The following TRIM2 variants were observed in gnomAD, a reference collection of about 807,000 sequenced individuals.
TRIM2 encodes the protein tripartite motif containing 2.
A neutral mutation model predicts 75.2 loss-of-function variants in TRIM2; 20 were observed. The ratio of observed to expected loss-of-function variants is 0.27; its 90% confidence interval spans 0.19 to 0.39. The LOEUF (loss-of-function observed/expected upper bound fraction) is 0.39, where lower values mean the gene tolerates loss of function less well. Among genes scored for constraint, TRIM2 ranks in the 10% least tolerant of loss-of-function variants. The probability of loss-of-function intolerance (pLI) is 1.00; values close to 1 mark genes in which losing one functional copy is unlikely to be tolerated. For synonymous variants in TRIM2, 373 were observed against 388.3 expected (o/e 0.96, Z 0.46); for missense variants, 660 against 990.8 (o/e 0.67, Z 4.48).
At chr4:153,185,777 A>C (rs368736074) in intron 1 of TRIM2, among the ~76,000 whole-genome samples, 4 of 152,180 alleles carry the variant, frequency 2.6e-5, no homozygotes, top group African/African-American at 9.7e-5. Context: ...GAGAGGTTCC[A>C]TGAGGAGCAC....
At chr4:153,247,444 G>A (rs1349108377) in intron 1 of TRIM2, among the ~76,000 whole-genome samples, 1 of 152,160 alleles carries the variant, frequency 6.6e-6, no homozygotes, top group Non-Finnish European at 1.5e-5. Context: ...GGGAGGCCGA[G>A]GCAGGCAGAT....
At chr4:153,200,641 C>T (rs979221364), upstream of TRIM2, among the ~76,000 whole-genome samples, 4 of 151,276 alleles carry the variant, frequency 2.6e-5, no homozygotes, top group Non-Finnish European at 4.4e-5. Context: ...AACCATTTTA[C>T]ATTCCACCAG....
chr4:153,305,358 T>C (rs1482964568), intron 6 of TRIM2, among the ~76,000 whole-genome samples: 2 of 152,194 alleles, frequency 1.3e-5, no homozygotes, highest in Non-Finnish European at 2.9e-5. Context: ...GTCCAGTACA[T>C]TTTAGAGAGG....
Position 153,178,842 on chromosome 4 carries a change from C to T in TRIM2, c.-49+25572C>T, listed in dbSNP as rs144736257. ...CTTAATGCAGCTGTCACAGAAAACA[C>T]ATGACAGTAGCTTAATCAAGAGTAA... is the stretch of plus-strand genomic sequence containing the variant. On this transcript the variant is annotated intron_variant, in intron 1 of 11. Coordinates refer to the TRIM2 transcript ENST00000437508. Among the ~76,000 whole-genome samples the T allele has an allele frequency of 1.5e-4, 23 of 152,308 alleles. No individual in the cohort carries two copies. The East Asian group carries it at 4.4e-3, about 29-fold the overall frequency.
intron 10 of TRIM2, among the ~76,000 whole-genome samples, chr4:153,325,076 C>T (rs1375196762): frequency 6.6e-6 from 1 of 152,104 alleles, no homozygotes; most frequent in Non-Finnish European, 1.5e-5. Context: ...GACTGAGCAA[C>T]CAAAATTAAT....
chr4:153,317,089 C>T (rs1767810567), intron 8 of TRIM2, among the ~76,000 whole-genome samples: 1 of 150,608 alleles, frequency 6.6e-6, no homozygotes, highest in Non-Finnish European at 1.5e-5. Flanking sequence ...ACCGTGTTAG[C>T]TAGGATGGTC....
intron 1 of TRIM2, among the ~76,000 whole-genome samples, chr4:153,196,966 T>C (rs1172252879): frequency 6.6e-6 from 1 of 152,238 alleles, no homozygotes; most frequent in Non-Finnish European, 1.5e-5. Flanking sequence ...TAGGCATCCT[T>C]TTCCATGTGT....
intron 1 of TRIM2, among the ~76,000 whole-genome samples, chr4:153,236,649 GAT>G (rs926675750): frequency 2.2e-5 from 3 of 139,106 alleles, no homozygotes; most frequent in Non-Finnish European, 4.5e-5. Context: ...TGAGTCTGAG[GAT>G]TGTGTCTTTT....
intron 1 of TRIM2, among the ~76,000 whole-genome samples, chr4:153,229,458 G>A (rs748801839): frequency 1.8e-4 from 27 of 152,180 alleles, no homozygotes; most frequent in East Asian, 5.8e-4. Flanking sequence ...GGGTTTTGCC[G>A]TGTTGCCCAG....
chr4:153,156,908 G>T (rs1729282440), intron 1 of TRIM2: 1 of 152,354 alleles, frequency 6.6e-6, no homozygotes, highest in Non-Finnish European at 1.5e-5. Flanking sequence ...GGATGGTGGG[G>T]CCAGGTGGTG....
At chr4:153,308,545 A>G (rs1293297658) in intron 6 of TRIM2, 1 of 717,800 alleles carries the variant, frequency 1.4e-6, no homozygotes, top group East Asian at 3.2e-5. Context: ...CTGGTAGGTG[A>G]AGGCAATATC....
intron 1 of TRIM2, among the ~76,000 whole-genome samples, chr4:153,194,508 A>G (rs747333401): frequency 2.0e-5 from 3 of 152,212 alleles, no homozygotes; most frequent in East Asian, 1.9e-4. Context: ...TTCCCTTTAC[A>G]TAAAATTTTA....
At position 153,337,581 on chromosome 4, in the gene TRIM2, T is replaced by C. The variant is rs1342391626; in HGVS notation, c.*2615T>C. The C allele has an allele frequency of 1.0e-6, 1 of 985,746 alleles. No individual in the cohort carries two copies. Among genetic ancestry groups the C allele is most frequent in the African/African-American group, 1.7e-5 (1 of 57,238 alleles). The allele number at this position is 985,746 out of a possible 1,614,324, so 61.1% of individuals were successfully genotyped here. A position where few individuals can be genotyped will look rare whatever the true frequency, so the allele number is the denominator to read the frequency against. ...TCACACTTGGATACATATGTGCATTTACTGTATTTCTTGGTAAGCATATTT... is the reference window on the plus strand; with the variant it reads ...TCACACTTGGATACATATGTGCATTCACTGTATTTCTTGGTAAGCATATTT... On this transcript the variant is annotated 3_prime_UTR_variant, in exon 12 of 12. Transcript: ENST00000338700.
chr4:153,209,673 G>A (rs777068062), intron 1 of TRIM2, among the ~76,000 whole-genome samples: 1 of 152,176 alleles, frequency 6.6e-6, no homozygotes, highest in African/African-American at 2.4e-5. Flanking sequence ...TAGAAACCGT[G>A]GGAGACAAAG....
chr4:153,246,066 G>C (rs1381973200), intron 1 of TRIM2, among the ~76,000 whole-genome samples: 3 of 152,148 alleles, frequency 2.0e-5, no homozygotes, highest in African/African-American at 7.2e-5. Flanking sequence ...AGTCAATAAA[G>C]TGTTTGCTAT....
At chr4:153,319,428 G>A (rs1029081114) in intron 8 of TRIM2, among the ~76,000 whole-genome samples, 3 of 151,990 alleles carry the variant, frequency 2.0e-5, no homozygotes, top group Admixed American at 1.3e-4. Flanking sequence ...CCAAAGGCAG[G>A]GTTAAAATAT....
chr4:153,217,157 T>C (rs1202382158), intron 1 of TRIM2, among the ~76,000 whole-genome samples: 3 of 152,220 alleles, frequency 2.0e-5, no homozygotes, highest in Non-Finnish European at 4.4e-5. Flanking sequence ...GTAAAATGTT[T>C]TGGGGTTTCT....
At chr4:153,239,997 C>G (rs1204083198) in intron 1 of TRIM2, among the ~76,000 whole-genome samples, 1 of 151,976 alleles carries the variant, frequency 6.6e-6, no homozygotes, top group African/African-American at 2.4e-5. Flanking sequence ...ACACGCCCAG[C>G]TAATTTTTCT....
rs550272199 is a variant in TRIM2, at chr4:153,227,704, G to C, written c.30+23144G>C. Among the ~76,000 whole-genome samples, 3 of 152,198 alleles carry C rather than the reference G, an allele frequency of 2.0e-5. No homozygotes were observed. In the South Asian group the frequency reaches 6.2e-4, roughly 31 times the overall value. ...GGTGCACGTCTCTCTTTTCAGCTGG[G>C]TAGTCTGCTTCAGTTGTGATTCTCC... On this transcript the variant is annotated intron_variant, in intron 1 of 11. Transcript: ENST00000338700.
Sources: gnomAD v4.1 joint callset for allele counts (sites outside exome capture counted in the v4.1 genomes callset) on GRCh38, gnomAD v4.1.1 for gene constraint, MANE v1.5 for transcripts, NCBI Gene and HGNC (gene_info 2026-07-23, HGNC 2026-07-21) for gene names.